The following HS6ST3 variants were observed in gnomAD, a reference collection of about 807,000 sequenced individuals.
HS6ST3 encodes the protein heparan sulfate 6-O-sulfotransferase 3.
HS6ST3 carries 12 observed loss-of-function variants against 36.7 expected under a neutral mutation model. The ratio of observed to expected loss-of-function variants is 0.33; its 90% CI spans 0.21 to 0.53. HS6ST3 has a LOEUF of 0.53. HS6ST3 is among the 20% of genes least tolerant of loss of function. HS6ST3 has a pLI of 0.95. For synonymous variants in HS6ST3, 240 were observed against 257.5 expected, an observed-to-expected ratio of 0.93 and a Z score of 0.65; for missense variants, 584 against 640.9, an observed-to-expected ratio of 0.91 and a Z score of 0.96.
chr13:96,759,172 C>T (rs756008331), intron 1 of HS6ST3, among the ~76,000 whole-genome samples: 14 of 151,726 alleles, frequency 9.2e-5, no homozygotes, highest in South Asian at 2.1e-4. Flanking sequence ...AATCCATCTG[C>T]GACTTATACT....
chr13:96,580,716 A>G (rs1172898069), intron 1 of HS6ST3, among the ~76,000 whole-genome samples: 1 of 152,108 alleles, frequency 6.6e-6, no homozygotes, highest in African/African-American at 2.4e-5. Flanking sequence ...ATTGTTTTCT[A>G]TGTACTCATT....
At position 96,705,888 on chromosome 13, in the gene HS6ST3, A is replaced by C. The variant is rs116978787; in HGVS notation, c.708-126602A>C. On this transcript the variant is annotated intron_variant, in intron 1 of 1. Transcript: ENST00000376705. ...GTCTCCAGCTGTGGGTTCCATCACTAAACTTTTGCTGATTTTACCCAAGGG... is the reference window on the plus strand; with the variant it reads ...GTCTCCAGCTGTGGGTTCCATCACTCAACTTTTGCTGATTTTACCCAAGGG... Among the ~76,000 whole-genome samples, 186 of 152,256 alleles carry C rather than the reference A, an allele frequency of 1.2e-3. 1 individual carries two copies. The highest frequency in any genetic ancestry group is 3.4e-3 in the Middle Eastern group (1 of 294).
chr13:96,404,087 T>A (rs1377094483), intron 1 of HS6ST3, among the ~76,000 whole-genome samples: 1 of 152,206 alleles, frequency 6.6e-6, no homozygotes, highest in Non-Finnish European at 1.5e-5. Context: ...CATCTGTTGT[T>A]CATGTAAGAG....
chr13:96,614,356 A>T (rs1233415168), intron 1 of HS6ST3, among the ~76,000 whole-genome samples: 1 of 151,082 alleles, frequency 6.6e-6, no homozygotes, highest in Non-Finnish European at 1.5e-5. Context: ...CAGCAGAAAC[A>T]TAGAGATATC....
At chr13:96,275,000 C>T (rs748305550) in intron 1 of HS6ST3, among the ~76,000 whole-genome samples, 2 of 152,008 alleles carry the variant, frequency 1.3e-5, no homozygotes, top group Non-Finnish European at 2.9e-5. Flanking sequence ...AGTGCCTCCT[C>T]TCCAGCCACA....
At chr13:96,669,052 A>G (rs1269593329) in intron 1 of HS6ST3, among the ~76,000 whole-genome samples, 1 of 152,190 alleles carries the variant, frequency 6.6e-6, no homozygotes, top group Non-Finnish European at 1.5e-5. Flanking sequence ...TGCTTCAGGA[A>G]GCAAAATATC....
intron 1 of HS6ST3, among the ~76,000 whole-genome samples, chr13:96,175,556 T>C (rs186406276): frequency 6.6e-6 from 1 of 152,066 alleles, no homozygotes; most frequent in Non-Finnish European, 1.5e-5. Context: ...CCTGAAATTC[T>C]TATTAGATAG....
At chr13:96,516,125 G>A (rs138406826) in intron 1 of HS6ST3, among the ~76,000 whole-genome samples, 1 of 151,462 alleles carries the variant, frequency 6.6e-6, no homozygotes, top group Non-Finnish European at 1.5e-5. Context: ...GCAGTGGGGT[G>A]ATGTCGGCTC....
At chr13:96,538,581 C>T (rs1408913050) in intron 1 of HS6ST3, among the ~76,000 whole-genome samples, 1 of 152,146 alleles carries the variant, frequency 6.6e-6, no homozygotes, top group Non-Finnish European at 1.5e-5. Context: ...GTAGCTGGGA[C>T]TGCAGGCACA....
chr13:96,135,661 T>A (rs1212481483), intron 1 of HS6ST3, among the ~76,000 whole-genome samples: 1 of 152,124 alleles, frequency 6.6e-6, no homozygotes, highest in Non-Finnish European at 1.5e-5. Context: ...GGCATACTGC[T>A]TCAGAGCGGA....
At chr13:96,830,953 C>T (rs1878767014) in intron 1 of HS6ST3, among the ~76,000 whole-genome samples, 1 of 152,168 alleles carries the variant, frequency 6.6e-6, no homozygotes, top group Admixed American at 6.5e-5. Flanking sequence ...AGCTTGCGGG[C>T]CTGCTCCGCA....
In HS6ST3 at chr13:96,755,206, A is replaced by G. The variant is rs191964527; in HGVS notation, c.708-77284A>G. 1.1e-3 allele frequency among the ~76,000 whole-genome samples: 171 copies of G among 152,262 alleles called. 1 individual carries two copies. The highest frequency in any genetic ancestry group is 3.9e-3 in the African/African-American group (160 of 41,544). The stretch of plus-strand genomic sequence containing the variant: ...AGCCATTGTCTTGATTTTGATCGCC[A>G]TAAATTAGTTTTATCTATTCATGAA... On this transcript the variant is annotated intron_variant, in intron 1 of 1. Coordinates refer to ENST00000376705, the MANE Select transcript of HS6ST3 (RefSeq NM_153456.4).
In HS6ST3 at chr13:96,423,648, A is replaced by C. The variant is rs9513141; in HGVS notation, c.707+332079A>C. 8.1e-3 allele frequency among the ~76,000 whole-genome samples: 1,237 copies of C among 151,948 alleles called. 9 individuals are homozygous for C. Among genetic ancestry groups the C allele is most frequent in the Non-Finnish European group, 0.012 (826 of 67,954 alleles). On this transcript the variant is annotated intron_variant, in intron 1 of 1. Transcript: ENST00000376705. ...AGTCTCTGTGGAAGGAGCCCGCCCC[A>C]CAAGTTTGAGAACCAGCCAGGAGGC...
chr13:96,363,982 T>A (rs905711715), intron 1 of HS6ST3, among the ~76,000 whole-genome samples: 5 of 152,192 alleles, frequency 3.3e-5, no homozygotes, highest in Admixed American at 6.5e-5. Flanking sequence ...TACAAAATAA[T>A]CTTTTTAATG....
chr13:96,234,712 C>T (rs958202820), intron 1 of HS6ST3, among the ~76,000 whole-genome samples: 3 of 152,024 alleles, frequency 2.0e-5, no homozygotes, highest in Admixed American at 6.6e-5. Context: ...CATATCCTTC[C>T]GATGATACGT....
intron 1 of HS6ST3, among the ~76,000 whole-genome samples, chr13:96,548,018 G>A (rs2056204130): frequency 6.6e-6 from 1 of 152,112 alleles, no homozygotes; most frequent in African/African-American, 2.4e-5. Context: ...AGAGTGTAAT[G>A]TTTACAGAAA....
At chr13:96,674,352 T>G (rs1392111687) in intron 1 of HS6ST3, among the ~76,000 whole-genome samples, 1 of 152,148 alleles carries the variant, frequency 6.6e-6, no homozygotes, top group Non-Finnish European at 1.5e-5. Context: ...TCTTTATAAA[T>G]TATCCAGTCC....
At chr13:96,231,300 T>C (rs1041093348) in intron 1 of HS6ST3, among the ~76,000 whole-genome samples, 1 of 152,106 alleles carries the variant, frequency 6.6e-6, no homozygotes, top group Non-Finnish European at 1.5e-5. Context: ...AAGTCCCAAG[T>C]GATGCTGATA....
chr13:96,789,658 C>A (rs1877733614), intron 1 of HS6ST3, among the ~76,000 whole-genome samples: 1 of 150,084 alleles, frequency 6.7e-6, no homozygotes, highest in African/African-American at 2.4e-5. Flanking sequence ...CACCTTTATT[C>A]CTGATGTATA....
Sources: gnomAD v4.1 joint callset for allele counts (sites outside exome capture counted in the v4.1 genomes callset) on GRCh38, gnomAD v4.1.1 for gene constraint, MANE v1.5 for transcripts, NCBI Gene and HGNC (gene_info 2026-07-23, HGNC 2026-07-21) for gene names.